The following SHF variants were observed in gnomAD, a reference collection of about 807,000 sequenced individuals.
SHF encodes Src homology 2 domain containing F, also known as SH2 domain-containing adapter protein F.
SHF carries 30 observed loss-of-function variants against 42.4 expected under a neutral mutation model. The observed-to-expected ratio is 0.71, with a 90% CI of 0.53 to 0.96. The LOEUF (loss-of-function observed/expected upper bound fraction) is 0.96, where lower values mean the gene tolerates loss of function less well. Among genes scored for constraint, SHF ranks in the 40% least tolerant of loss-of-function variants. SHF has a pLI of 0.00. For synonymous variants in SHF, 264 were observed against 269.9 expected, an observed-to-expected ratio of 0.98 and a Z score of 0.21; for missense variants, 598 against 634.0, an observed-to-expected ratio of 0.94 and a Z score of 0.61.
chr15:45,200,846 G>A (rs751610336), exon 1 of SHF: 1 of 456,316 alleles, frequency 2.2e-6, no homozygotes, highest in South Asian at 1.5e-5. Flanking sequence ...GGCATGGTGA[G>A]CGTCAGAGAG....
chr15:45,172,921 GC>G (rs1348868829), intron 4 of SHF, among the ~76,000 whole-genome samples: 3 of 152,086 alleles, frequency 2.0e-5, no homozygotes, highest in African/African-American at 7.2e-5. Context: ...GACCAGGGGA[GC>G]CTGATGGCTG....
intron 2 of SHF, chr15:45,198,606 T>G (rs1898951668): frequency 2.7e-6 from 2 of 748,648 alleles, no homozygotes; most frequent in Non-Finnish European, 4.0e-6. Context: ...GTTCCCACAA[T>G]GCCGTGACTC....
intron 2 of SHF, among the ~76,000 whole-genome samples, chr15:45,193,096 C>G (rs1378347189): frequency 6.6e-6 from 1 of 152,188 alleles, no homozygotes; most frequent in Non-Finnish European, 1.5e-5. Flanking sequence ...ACATATTACC[C>G]CATTGTTTTA....
chr15:45,198,888 T>C (rs771961123), exon 2 of SHF: 4 of 1,614,018 alleles, frequency 2.5e-6, no homozygotes, highest in South Asian at 1.1e-5. Context: ...GATGATGAGA[T>C]GGGCTCCCGG....
chr15:45,194,169 C>T (rs530208689), intron 2 of SHF, among the ~76,000 whole-genome samples: 1 of 151,078 alleles, frequency 6.6e-6, no homozygotes, highest in Non-Finnish European at 1.5e-5. Context: ...CTGTTCCTAG[C>T]TGGCATTCTT....
chr15:45,188,819 G>T (rs1482011396), upstream of SHF, among the ~76,000 whole-genome samples: 1 of 152,200 alleles, frequency 6.6e-6, no homozygotes, highest in Non-Finnish European at 1.5e-5. Flanking sequence ...TCTAGAAACA[G>T]TCCCAGTGTT....
At chr15:45,169,025 C>G (rs993014973) in intron 6 of SHF, among the ~76,000 whole-genome samples, 1 of 152,188 alleles carries the variant, frequency 6.6e-6, no homozygotes, top group Non-Finnish European at 1.5e-5. Context: ...GTCTGAAACT[C>G]AAGCACAGGC....
chr15:45,195,757 T>A (rs1168998288), intron 2 of SHF, among the ~76,000 whole-genome samples: 1 of 152,166 alleles, frequency 6.6e-6, no homozygotes, highest in Non-Finnish European at 1.5e-5. Flanking sequence ...GAGTACAGCA[T>A]CTTCACTCCT....
At chr15:45,173,825 TGAG>T (rs2141351701) in intron 3 of SHF, 109 bp from the exon 4 acceptor site, 2 of 1,290,378 alleles carry the variant, frequency 1.5e-6, no homozygotes, top group South Asian at 2.5e-5. Flanking sequence ...AGCCTAGAAA[TGAG>T]GAGGGGCAGA....
intron 1 of SHF, chr15:45,200,685 C>G (rs1384806659): frequency 4.4e-6 from 2 of 455,268 alleles, no homozygotes; most frequent in Non-Finnish European, 8.8e-6. Flanking sequence ...ACACGGTGGC[C>G]GATTTCTCCA....
chr15:45,196,105 T>G (rs1055967770), intron 2 of SHF, among the ~76,000 whole-genome samples: 2 of 151,016 alleles, frequency 1.3e-5, no homozygotes, highest in Non-Finnish European at 3.0e-5. Flanking sequence ...CTGTTTTTTT[T>G]TTTTTTTTTT....
chr15:45,192,358 A>ATT (rs1193075020), upstream of SHF, among the ~76,000 whole-genome samples: 2,047 of 75,546 alleles, frequency 0.027, 384 homozygotes, highest in East Asian at 0.098. Flanking sequence ...CTGATTCCAG[A>ATT]TTTTTTTTTT....
rs572703649 is a variant in SHF, at chr15:45,198,699, G to T, written c.303+73C>A. The T allele has an allele frequency of 4.6e-5, 70 of 1,528,646 alleles. No homozygotes were observed. The Middle Eastern group carries it at 5.3e-4, about 11-fold the overall frequency. The allele number at this position is 1,528,646 out of a possible 1,614,324, so 94.7% of individuals were successfully genotyped here. On this transcript the variant is annotated intron_variant, in intron 2 of 7. Coordinates refer to the SHF transcript ENST00000290894. The stretch of plus-strand genomic sequence containing the variant: ...CGGCGAGCTACCGGGGACCCGTAGG[G>T]GTTGGCTTCTGATTATCCTCTTCAA...
At position 45,172,163 on chromosome 15, in the gene SHF, G is replaced by T. The variant is rs1449731505; in HGVS notation, c.1144C>A (p.Pro382Thr). ...PLGEWTDPAL[P>T]LENQVWYHGA... ...GACACTCACACCTGGTTTTCCAGAGGCAGTGCTGGATCTGTCCACTCCCCC... is the reference window on the plus strand; with the variant it reads ...GACACTCACACCTGGTTTTCCAGAGTCAGTGCTGGATCTGTCCACTCCCCC... The change falls in exon 5 of 7, where the codon CCT becomes ACT. Residue 382 changes from proline (P) to threonine (T), a missense_variant. Coordinates refer to ENST00000690270, the MANE Select transcript of SHF (RefSeq NM_001394037.1). 1.2e-6 allele frequency: 2 copies of T among 1,613,932 alleles called. No individual in the cohort carries two copies. The highest frequency in any genetic ancestry group is 2.2e-5 in the East Asian group (1 of 44,880).
chr15:45,198,581 C>T (rs1898948251), intron 2 of SHF: 2 of 585,404 alleles, frequency 3.4e-6, no homozygotes, highest in Non-Finnish European at 2.8e-6. Flanking sequence ...ATACCGAGCC[C>T]CTTGCCGTGC....
intron 3 of SHF, 62 bp downstream of exon 3, chr15:45,175,157 C>A: frequency 6.6e-7 from 1 of 1,521,552 alleles, no homozygotes; most frequent in Admixed American, 2.3e-5. Context: ...TCCTTCCATT[C>A]TCTTGAGCCT....
intron 3 of SHF, among the ~76,000 whole-genome samples, chr15:45,174,958 TA>T (rs1289629154): frequency 2.0e-5 from 3 of 152,182 alleles, no homozygotes; most frequent in African/African-American, 7.2e-5. Context: ...AAGAGAGAAG[TA>T]GTCTAAGCCT....
intron 1 of SHF, 131 bp downstream of exon 1, chr15:45,187,323 G>C: frequency 5.6e-6 from 5 of 887,848 alleles, no homozygotes; most frequent in Non-Finnish European, 7.4e-6. Context: ...GGAACCCCGG[G>C]GTCAGGGGCT....
At chr15:45,196,593 C>CT (rs1296188656) in intron 2 of SHF, among the ~76,000 whole-genome samples, 1 of 152,120 alleles carries the variant, frequency 6.6e-6, no homozygotes, top group Non-Finnish European at 1.5e-5. Context: ...TTCTTCCCTC[C>CT]TTACTATAGA....
Sources: allele counts gnomAD v4.1 joint callset (sites outside exome capture counted in the v4.1 genomes callset), GRCh38; gene constraint gnomAD v4.1.1; transcripts MANE v1.5; gene names NCBI Gene and HGNC (gene_info 2026-07-23, HGNC 2026-07-21).